RBM25: variants seen among roughly 807,000 people sequenced by gnomAD.
The protein encoded by RBM25 is RNA binding motif protein 25, also known as RNA-binding protein 25.
In RBM25, 19 loss-of-function variants were observed where a neutral mutation model predicts 120.7. The observed-to-expected ratio is 0.16, with a 90% confidence interval of 0.11 to 0.23. RBM25 has a LOEUF of 0.23. RBM25 is among the 10% of genes least tolerant of loss of function. The probability of loss-of-function intolerance (pLI) is 1.00; values close to 1 mark genes in which losing one functional copy is unlikely to be tolerated. For synonymous variants in RBM25, 390 were observed against 326.7 expected (o/e 1.19, Z -2.09); for missense variants, 605 against 1,041.5 (o/e 0.58, Z 5.77).
chr14:73,105,014 CAT>C (rs1464852692), intron 10 of RBM25, among the ~76,000 whole-genome samples: 2 of 103,768 alleles, frequency 1.9e-5, no homozygotes, highest in Non-Finnish European at 2.0e-5. Context: ...CCATAAAGAA[CAT>C]ATTTCATATA....
chr14:73,103,202 A>G lies in RBM25; in HGVS notation c.878A>G (p.Glu293Gly). Residue 293 changes from glutamate to glycine, a missense_variant, in exon 10 of 19, where the codon GAA becomes GGA. Glu to Gly is a moderately conservative substitution (Grantham distance 98). Coordinates refer to ENST00000261973, the MANE Select transcript of RBM25 (RefSeq NM_021239.3). ...TTTATTGGTTTCTAGAAACTGGAAG[A>G]AGAGAAAGGCAAAAAGGAAAAAGAA... Reference protein sequence around the residue: ...KFRDTHKKLEEEKGKKEKERQ... With the variant: ...KFRDTHKKLEGEKGKKEKERQ... 1 of 1,607,792 alleles carries G rather than the reference A, an allele frequency of 6.2e-7. No homozygotes were observed. Among genetic ancestry groups the G allele is most frequent in the Non-Finnish European group, 8.5e-7 (1 of 1,178,644 alleles).
chr14:73,104,581 G>C (rs1896140255), intron 10 of RBM25, among the ~76,000 whole-genome samples: 2 of 151,864 alleles, frequency 1.3e-5, no homozygotes, highest in Admixed American at 1.3e-4. Context: ...TTGCCCAGCT[G>C]GTCTCGAACT....
chr14:73,080,592 C>G (rs1443427973), intron 4 of RBM25, among the ~76,000 whole-genome samples: 1 of 151,990 alleles, frequency 6.6e-6, no homozygotes, highest in Non-Finnish European at 1.5e-5. Context: ...ATACCTTATT[C>G]CTATTTCAAT....
At position 73,079,713 on chromosome 14, in the gene RBM25, C is replaced by T. The variant is rs1246849438; in HGVS notation, c.324+2177C>T. Among the ~76,000 whole-genome samples the T allele has an allele frequency of 2.0e-5, 3 of 150,616 alleles. 1 individual carries two copies. Among genetic ancestry groups the T allele is most frequent in the African/African-American group, 2.4e-5 (1 of 41,280 alleles). ...CTCAACTATTCATATTTAAGAAATT[C>T]CTGTTCTTTTAGAAGACTGGATCTC... On this transcript the variant is annotated intron_variant, in intron 4 of 18. Coordinates refer to ENST00000261973, the MANE Select transcript of RBM25 (RefSeq NM_021239.3).
intron 9 of RBM25, 65 bp downstream of exon 9, chr14:73,099,815 CAAAAA>C: frequency 6.7e-7 from 1 of 1,497,346 alleles, no homozygotes; most frequent in South Asian, 1.4e-5. Context: ...AGCAAAGAGA[CAAAAA>C]AAATCAACCT....
chr14:73,094,999 G>A (rs1344267685), intron 6 of RBM25, among the ~76,000 whole-genome samples: 2 of 151,524 alleles, frequency 1.3e-5, no homozygotes, highest in African/African-American at 4.8e-5. Context: ...TGAGATTACA[G>A]GCACATGTCA....
intron 18 of RBM25, among the ~76,000 whole-genome samples, chr14:73,118,479 G>GAA (rs79313770): frequency 2.4e-5 from 3 of 123,310 alleles, no homozygotes; most frequent in South Asian, 2.5e-4. Context: ...CCTGTCTCCA[G>GAA]AAAAAAAAAA....
In RBM25 at chr14:73,122,042, G is replaced by T. The variant is rs950698135; in HGVS notation, c.*2237G>T. The T allele has an allele frequency of 2.6e-5, 4 of 152,170 alleles. No individual in the cohort carries two copies. Among genetic ancestry groups the T allele is most frequent in the Admixed American group, 2.6e-4 (4 of 15,272 alleles). The allele number at this position is 152,170 out of a possible 1,614,324, so 9.4% of individuals were successfully genotyped here. Reference sequence around the variant, plus strand: ...TTCAGTAAAAGGCTTTAGATTGTCAGAGTTGGTTGATTTTTAGAATTGTAT... The same window carrying T: ...TTCAGTAAAAGGCTTTAGATTGTCATAGTTGGTTGATTTTTAGAATTGTAT... On this transcript the variant is annotated 3_prime_UTR_variant, in exon 19 of 19. Coordinates refer to ENST00000261973, the MANE Select transcript of RBM25 (RefSeq NM_021239.3).
intron 9 of RBM25, chr14:73,100,518 GA>G (rs1246714781): frequency 8.7e-6 from 4 of 457,312 alleles, no homozygotes; most frequent in Non-Finnish European, 1.6e-5. Context: ...GTGCATCTGT[GA>G]ATGTTCGCTG....
intron 17 of RBM25, among the ~76,000 whole-genome samples, chr14:73,113,966 A>AT (rs905082869): frequency 6.6e-5 from 10 of 152,194 alleles, no homozygotes; most frequent in South Asian, 2.1e-4. Context: ...TAGCTATGGT[A>AT]TTTTTTTGCC....
intron 9 of RBM25, chr14:73,100,208 A>C: frequency 1.7e-6 from 1 of 592,480 alleles, no homozygotes; most frequent in South Asian, 2.0e-5. Context: ...ACAGTAGGTC[A>C]GTGGTTACCA....
At chr14:73,071,240 C>CAA (rs11325196) in intron 1 of RBM25, among the ~76,000 whole-genome samples, 79 of 108,788 alleles carry the variant, frequency 7.3e-4, no homozygotes, top group East Asian at 3.4e-3. Context: ...GACTCTGTCT[C>CAA]AAAAAAAAAA....
chr14:73,109,346 A>T lies in RBM25; in HGVS notation c.1546A>T (p.Ser516Cys). The change falls in exon 14 of 19, where the codon AGT (serine) becomes TGT (cysteine). Residue 516 changes from serine (S) to cysteine (C), a missense_variant. This residue lies in a region of RBM25 where 465 missense variants were observed against 741.6 expected (regional missense o/e 0.63). Transcript: ENST00000261973. ...DRDDPKYYRG[S>C]ALQKRLRDRE... The stretch of plus-strand genomic sequence containing the variant: ...TTTTATCATTCACTTTTACAGAGGA[A>T]GTGCTCTTCAGAAAAGGTTGCGTGA... 1 of 1,612,812 alleles carries T rather than the reference A, an allele frequency of 6.2e-7. No homozygotes were observed. Among genetic ancestry groups the T allele is most frequent in the Non-Finnish European group, 8.5e-7 (1 of 1,179,338 alleles).
Position 73,106,220 on chromosome 14 carries a change from G to A in RBM25, c.1402G>A (p.Glu468Lys). The change falls in exon 12 of 19, where the codon GAA becomes AAA. Residue 468 changes from glutamate to lysine, a missense_variant. Physicochemically the swap from Glu to Lys is moderately conservative, Grantham distance 56 (BLOSUM62 1). Transcript: ENST00000261973. ...GCGCCTTAAGAATTGGGAAATCAGA[G>A]AACGAAAGAAAACCCGGGAATATGA... Reference protein sequence around the residue: ...QERLKNWEIRERKKTREYEKE... With the variant: ...QERLKNWEIRKRKKTREYEKE... The A allele has an allele frequency of 6.3e-7, 1 of 1,595,026 alleles. No individual in the cohort carries two copies. The highest frequency in any genetic ancestry group is 1.8e-5 in the Admixed American group (1 of 55,412).
At chr14:73,117,215 T>TC (rs1896451895) in intron 18 of RBM25, among the ~76,000 whole-genome samples, 2 of 21,094 alleles carry the variant, frequency 9.5e-5, no homozygotes, top group African/African-American at 3.4e-4. Context: ...CTTTTCTTTT[T>TC]TTTTTTTTTT....
Position 73,121,482 on chromosome 14 carries a change from A to G in RBM25, c.*1677A>G, listed in dbSNP as rs1566605669. 1 of 152,690 alleles carries G rather than the reference A, an allele frequency of 6.5e-6. No homozygotes were observed. Among genetic ancestry groups the G allele is most frequent in the South Asian group, 2.1e-4 (1 of 4,828 alleles). 9.5% of individuals were successfully genotyped at this position (152,690 alleles called of 1,614,324 possible). A position where few individuals can be genotyped will look rare whatever the true frequency, so the allele number is the denominator to read the frequency against. On this transcript the variant is annotated 3_prime_UTR_variant, in exon 19 of 19. Transcript: ENST00000261973. ...GAAGCCATTTACATTATTTTGGATG[A>G]ATCTACTATACATCTATGGAAATGT...
rs2140423910 is a variant in RBM25, at chr14:73,068,164, T to C, written c.-15-3463T>C. 5.9e-6 allele frequency: 5 copies of C among 846,064 alleles called. No individual in the cohort carries two copies. The South Asian group carries it at 6.6e-5, about 11-fold the overall frequency. The allele number at this position is 846,064 out of a possible 1,614,324, so 52.4% of individuals were successfully genotyped here. A position where few individuals can be genotyped will look rare whatever the true frequency, so the allele number is the denominator to read the frequency against. On this transcript the variant is annotated intron_variant, in intron 1 of 18. Transcript: ENST00000261973. ...TAGATGGCTGCTTGGTCCTGGATGC[T>C]TTAGTGGTCTCTTGATATGTGGAAA...
chr14:73,114,711 T>C (rs1896386658), intron 18 of RBM25, among the ~76,000 whole-genome samples: 1 of 152,118 alleles, frequency 6.6e-6, no homozygotes, highest in South Asian at 2.1e-4. Flanking sequence ...CTGGCCAGCA[T>C]GGTGAAACCC....
At chr14:73,078,941 A>G (rs547014082) in intron 4 of RBM25, among the ~76,000 whole-genome samples, 12 of 152,272 alleles carry the variant, frequency 7.9e-5, no homozygotes, top group Non-Finnish European at 1.6e-4. Context: ...CTTTTCCCCA[A>G]TGATGTTAAA....
Sources: allele counts gnomAD v4.1 joint callset (sites outside exome capture counted in the v4.1 genomes callset), GRCh38; gene constraint gnomAD v4.1.1; regional missense constraint gnomAD v4.1.1; transcripts MANE v1.5; gene names NCBI Gene and HGNC (gene_info 2026-07-23, HGNC 2026-07-21).